Variants in LDB2 observed in about 807,000 individuals in gnomAD.
LDB2 encodes LIM domain binding 2.
LDB2 carries 12 observed loss-of-function variants against 44.3 expected under a neutral mutation model. The ratio of observed to expected loss-of-function variants is 0.27; its 90% CI spans 0.17 to 0.44. LDB2 has a LOEUF of 0.44. Among genes scored for constraint, LDB2 ranks in the 20% least tolerant of loss-of-function variants. The probability of loss-of-function intolerance (pLI) is 1.00; values close to 1 mark genes in which losing one functional copy is unlikely to be tolerated. For missense variants in LDB2, 344 were observed against 473.5 expected (o/e 0.73, Z 2.54); for synonymous variants, 164 against 174.8 (o/e 0.94, Z 0.49).
At chr4:16,883,962 A>G (rs1215911191) in intron 1 of LDB2, among the ~76,000 whole-genome samples, 1 of 152,128 alleles carries the variant, frequency 6.6e-6, no homozygotes, top group Non-Finnish European at 1.5e-5. Flanking sequence ...TAGGCTAAAA[A>G]TAGCTCAGTC....
chr4:16,678,069 T>C (rs1044679455), intron 2 of LDB2, among the ~76,000 whole-genome samples: 16 of 152,298 alleles, frequency 1.1e-4, no homozygotes, highest in African/African-American at 3.6e-4. Flanking sequence ...GGACCAGCAG[T>C]AGATCAGTAG....
intron 2 of LDB2, among the ~76,000 whole-genome samples, chr4:16,706,579 G>A (rs1043179108): frequency 1.3e-5 from 2 of 152,196 alleles, no homozygotes; most frequent in South Asian, 4.1e-4. Flanking sequence ...TCATGATTCT[G>A]GGTGTTAAGT....
chr4:16,672,114 C>T lies in LDB2; in HGVS notation c.236-76239G>A, dbSNP rs370606522. 4.6e-5 allele frequency among the ~76,000 whole-genome samples: 7 copies of T among 152,256 alleles called. No individual in the cohort carries two copies. In the East Asian group the frequency reaches 1.4e-3, roughly 29 times the overall value. On this transcript the variant is annotated intron_variant, in intron 2 of 7. Coordinates refer to ENST00000304523, the MANE Select transcript of LDB2 (RefSeq NM_001290.5). ...CTTACCAGGTGCCTTAAAGATGTTT[C>T]CTCATTCATTACTTGGAGCAACACC... is the stretch of plus-strand genomic sequence containing the variant.
intron 1 of LDB2, among the ~76,000 whole-genome samples, chr4:16,821,871 G>C (rs548671905): frequency 6.6e-6 from 1 of 150,550 alleles, no homozygotes; most frequent in African/African-American, 2.4e-5. Flanking sequence ...AATAATGAAC[G>C]TGAGAGCTGG....
chr4:16,804,329 G>A (rs960913344), intron 1 of LDB2, among the ~76,000 whole-genome samples: 2 of 152,124 alleles, frequency 1.3e-5, no homozygotes, highest in African/African-American at 2.4e-5. Flanking sequence ...GGGTAAAACA[G>A]AGAGAAAAAG....
chr4:16,748,489 T>C (rs1369793075), intron 2 of LDB2, among the ~76,000 whole-genome samples: 1 of 152,218 alleles, frequency 6.6e-6, no homozygotes, highest in Non-Finnish European at 1.5e-5. Context: ...ATGGAGCCTC[T>C]ACATTCTTAA....
At chr4:16,866,725 A>G (rs1714826877) in intron 1 of LDB2, among the ~76,000 whole-genome samples, 1 of 152,234 alleles carries the variant, frequency 6.6e-6, no homozygotes, top group African/African-American at 2.4e-5. Flanking sequence ...TAACTGATAA[A>G]ACATACAAAA....
At chr4:16,579,714 A>C (rs989612318) in intron 5 of LDB2, among the ~76,000 whole-genome samples, 1 of 152,096 alleles carries the variant, frequency 6.6e-6, no homozygotes, top group African/African-American at 2.4e-5. Flanking sequence ...TTTTTTCTAG[A>C]TGCTGTAGGG....
chr4:16,660,380 G>T (rs568568310), intron 2 of LDB2, among the ~76,000 whole-genome samples: 8 of 152,234 alleles, frequency 5.3e-5, no homozygotes, highest in African/African-American at 1.9e-4. Context: ...AGAAATAAGG[G>T]TAAAGAGGAT....
intron 3 of LDB2, among the ~76,000 whole-genome samples, chr4:16,590,753 T>A (rs1032709561): frequency 6.6e-6 from 1 of 152,210 alleles, no homozygotes; most frequent in Non-Finnish European, 1.5e-5. Context: ...TGTGGGTAAT[T>A]TCAGGCATGT....
At chr4:16,680,309 C>A (rs530931036) in intron 2 of LDB2, among the ~76,000 whole-genome samples, 3 of 152,222 alleles carry the variant, frequency 2.0e-5, no homozygotes, top group African/African-American at 4.8e-5. Flanking sequence ...GCAGTGCAAA[C>A]GAAGACACCT....
At chr4:16,805,643 C>T (rs188074757) in intron 1 of LDB2, among the ~76,000 whole-genome samples, 180 of 152,246 alleles carry the variant, frequency 1.2e-3, no homozygotes, top group Non-Finnish European at 2.0e-3. Context: ...CAATTTGATT[C>T]CAGCTGATTC....
At chr4:16,859,230 A>G (rs982946133) in intron 1 of LDB2, among the ~76,000 whole-genome samples, 2 of 152,218 alleles carry the variant, frequency 1.3e-5, no homozygotes, top group Admixed American at 6.5e-5. Context: ...TACGTTCCAA[A>G]AAAAGAAAAA....
intron 5 of LDB2, among the ~76,000 whole-genome samples, chr4:16,573,214 T>C (rs914060128): frequency 6.6e-6 from 1 of 152,158 alleles, no homozygotes. Flanking sequence ...CTAATATATA[T>C]ATAGAGGGAA....
At chr4:16,751,496 G>T (rs1437263432) in intron 2 of LDB2, among the ~76,000 whole-genome samples, 1 of 152,074 alleles carries the variant, frequency 6.6e-6, no homozygotes, top group African/African-American at 2.4e-5. Context: ...ACCACAAATG[G>T]GAAGAGATGG....
intron 1 of LDB2, among the ~76,000 whole-genome samples, chr4:16,886,818 G>A (rs1282940704): frequency 6.6e-6 from 1 of 151,864 alleles, no homozygotes. Flanking sequence ...AGATCACAAG[G>A]TCAGGAGATC....
chr4:16,678,266 C>T (rs972456176), intron 2 of LDB2, among the ~76,000 whole-genome samples: 16 of 152,224 alleles, frequency 1.1e-4, no homozygotes, highest in African/African-American at 3.9e-4. Context: ...TAAAGGTCAA[C>T]TCAAGAGTTA....
intron 1 of LDB2, among the ~76,000 whole-genome samples, chr4:16,785,091 T>A (rs1390060869): frequency 6.6e-6 from 1 of 152,010 alleles, no homozygotes; most frequent in African/African-American, 2.4e-5. Flanking sequence ...TAGGTATGTG[T>A]GTATGTACGT....
intron 2 of LDB2, among the ~76,000 whole-genome samples, chr4:16,728,351 T>C (rs1759984865): frequency 1.3e-5 from 2 of 152,048 alleles, no homozygotes; most frequent in Non-Finnish European, 2.9e-5. Flanking sequence ...CATTTTAATA[T>C]ATCAGAGTAA....
Sources: allele counts gnomAD v4.1 joint callset (sites outside exome capture counted in the v4.1 genomes callset), GRCh38; gene constraint gnomAD v4.1.1; transcripts MANE v1.5; gene names NCBI Gene and HGNC (gene_info 2026-07-23, HGNC 2026-07-21).